The following NUMBL variants were observed in gnomAD, a reference collection of about 807,000 sequenced individuals.
The protein encoded by NUMBL is numb-like protein.
Under a neutral mutation model 48.9 loss-of-function variants are expected in NUMBL, and 20 were observed. The ratio of observed to expected loss-of-function variants is 0.41; its 90% confidence interval spans 0.29 to 0.59. The LOEUF (loss-of-function observed/expected upper bound fraction) is 0.59, where lower values mean the gene tolerates loss of function less well. Ranked by LOEUF, NUMBL falls within the 20% of genes least tolerant of loss-of-function variation. NUMBL has a pLI of 0.31. For synonymous variants in NUMBL, 340 were observed against 348.7 expected, an observed-to-expected ratio of 0.98 and a Z score of 0.28; for missense variants, 660 against 846.2, an observed-to-expected ratio of 0.78 and a Z score of 2.73.
At position 40,680,920 on chromosome 19, in the gene NUMBL, G is replaced by A; in HGVS notation, c.537C>T (p.Asp179=). 1 of 1,614,188 alleles carries A rather than the reference G, an allele frequency of 6.2e-7. No individual in the cohort carries two copies. Among genetic ancestry groups the A allele is most frequent in the South Asian group, 1.1e-5 (1 of 91,084 alleles). ...GGCCAGCTGTGGCAATACTCACGGA[G>A]TCCTTCAGTGCCAGAAAACAGTGGC... The part of the protein sequence containing the change: ...WICHCFLALK[D]SGERLSHAVG... Residue 179 remains aspartate (D), a synonymous_variant, in exon 6 of 10, where the codon GAC becomes GAT. Transcript: ENST00000252891.
At chr19:40,672,471 C>T (rs1263569823) in intron 8 of NUMBL, among the ~76,000 whole-genome samples, 1 of 152,230 alleles carries the variant, frequency 6.6e-6, no homozygotes, top group Non-Finnish European at 1.5e-5. Flanking sequence ...GTGATGGGTA[C>T]TGCCTCTGCT....
chr19:40,677,491 T>C, intron 6 of NUMBL, 70 bp from the exon 7 acceptor site: 4 of 1,428,420 alleles, frequency 2.8e-6, no homozygotes, highest in Non-Finnish European at 1.9e-6. Context: ...GGGCACTGGG[T>C]TATAGCCGCT....
rs1303880241 is a variant in NUMBL at position 40,684,517 on chromosome 19, C to T, written c.149G>A (p.Arg50Gln). Reference protein sequence around the residue: ...GTMNKLRQSLRRRKPAYVPEA... With the variant: ...GTMNKLRQSLQRRKPAYVPEA... ...GGGCACGTAGGCTGGCTTCCTCCGC[C>T]GCAGGCTCTGCCGTAACTTGTTCAT... is the stretch of plus-strand genomic sequence containing the variant. Residue 50 changes from arginine to glutamine, a missense_variant, in exon 3 of 10, where the codon CGG (arginine) becomes CAG (glutamine). Arg to Gln is a conservative substitution (Grantham distance 43). Transcript: ENST00000252891. 4 of 1,607,426 alleles carry T rather than the reference C, an allele frequency of 2.5e-6. No individual in the cohort carries two copies. Among genetic ancestry groups the T allele is most frequent in the Admixed American group, 1.7e-5 (1 of 59,262 alleles).
At position 40,682,823 on chromosome 19, in the gene NUMBL, A is replaced by C. The variant is rs769342687; in HGVS notation, c.325-21T>G. On this transcript the variant is annotated intron_variant, in intron 4 of 9. Coordinates refer to ENST00000252891, the MANE Select transcript of NUMBL (RefSeq NM_004756.5). This position sits in a 1 kb window ranked among gnomAD's most constrained non-coding sequence, Gnocchi z 4.0. ...CCCATCTGGAGGGAGGCAAGGGGAC[A>C]AAGGAGCCGGGTCAGGGTGCCTCTC... 6.2e-7 allele frequency: 1 copy of C among 1,614,120 alleles called. No individual in the cohort carries two copies. Among genetic ancestry groups the C allele is most frequent in the Non-Finnish European group, 8.5e-7 (1 of 1,180,002 alleles).
intron 6 of NUMBL, among the ~76,000 whole-genome samples, chr19:40,679,539 G>A (rs2081894440): frequency 6.6e-6 from 1 of 152,114 alleles, no homozygotes; most frequent in South Asian, 2.1e-4. Flanking sequence ...TTAGCCAGCT[G>A]TGATGGTGCA....
chr19:40,680,024 G>A (rs1328902480), intron 6 of NUMBL, among the ~76,000 whole-genome samples: 1 of 151,780 alleles, frequency 6.6e-6, no homozygotes, highest in Non-Finnish European at 1.5e-5. Context: ...CTGCTTAATG[G>A]TTAAAACTTC....
chr19:40,690,441 C>T lies in NUMBL; in HGVS notation c.24+19G>A. The T allele has an allele frequency of 7.9e-7, 1 of 1,264,292 alleles. No homozygotes were observed. Among genetic ancestry groups the T allele is most frequent in the Non-Finnish European group, 1.0e-6 (1 of 997,096 alleles). The allele number at this position is 1,264,292 out of a possible 1,614,324, so 78.3% of individuals were successfully genotyped here. A position where few individuals can be genotyped will look rare whatever the true frequency, so the allele number is the denominator to read the frequency against. The stretch of plus-strand genomic sequence containing the variant: ...CGGCGCCGCCCCCGACCCGAGCCCC[C>T]CTCTCCCGCCCTTCTCACGCTGGCC... On this transcript the variant is annotated intron_variant, in intron 1 of 9. Coordinates refer to ENST00000252891, the MANE Select transcript of NUMBL (RefSeq NM_004756.5).
At chr19:40,675,071 A>G (rs1184646292) in intron 7 of NUMBL, among the ~76,000 whole-genome samples, 1 of 133,814 alleles carries the variant, frequency 7.5e-6, no homozygotes, top group Non-Finnish European at 1.5e-5. Context: ...TGAACCCGGG[A>G]GGCAGAGGTT....
intron 7 of NUMBL, among the ~76,000 whole-genome samples, chr19:40,676,630 T>G (rs1352100280): frequency 2.1e-5 from 3 of 146,236 alleles, no homozygotes; most frequent in Non-Finnish European, 4.5e-5. Flanking sequence ...AGGTGGAGGT[T>G]GCAGTGAGCC....
At position 40,676,830 on chromosome 19, in the gene NUMBL, T is replaced by A. The variant is rs1014527661; in HGVS notation, c.730+402A>T. On this transcript the variant is annotated intron_variant, in intron 7 of 9. Coordinates refer to ENST00000252891, the MANE Select transcript of NUMBL (RefSeq NM_004756.5). ...AGTTGCTTTATTTATTTATTTATTTTTTGAGACAGAGTCTCACTCTATTGC... is the reference window on the plus strand; with the variant it reads ...AGTTGCTTTATTTATTTATTTATTTATTGAGACAGAGTCTCACTCTATTGC... 2.6e-5 allele frequency among the ~76,000 whole-genome samples: 4 copies of A among 152,242 alleles called. No individual in the cohort carries two copies. In the South Asian group the frequency reaches 8.3e-4, roughly 32 times the overall value.
chr19:40,684,318 C>A, intron 3 of NUMBL, 99 bp downstream of exon 3: 1 of 1,349,328 alleles, frequency 7.4e-7, no homozygotes, highest in African/African-American at 1.5e-5. Flanking sequence ...CAACTTCAAA[C>A]GACTTGGGCT....
Position 40,667,336 on chromosome 19 carries a change from T to G in NUMBL, c.*132A>C. ...GTTGGTTCTGTAGTGGTTGTCGGGG[T>G]GGTTGAGGGAGGGGGGTGTTGAGAG... On this transcript the variant is annotated 3_prime_UTR_variant, in exon 10 of 10. Coordinates refer to ENST00000252891, the MANE Select transcript of NUMBL (RefSeq NM_004756.5). This position sits in a 1 kb window ranked among gnomAD's most constrained non-coding sequence, Gnocchi z 6.1. The G allele has an allele frequency of 1.6e-6, 2 of 1,255,924 alleles. No individual in the cohort carries two copies. The highest frequency in any genetic ancestry group is 2.2e-6 in the Non-Finnish European group (2 of 928,920). The allele number at this position is 1,255,924 out of a possible 1,614,324, so 77.8% of individuals were successfully genotyped here. A position where few individuals can be genotyped will look rare whatever the true frequency, so the allele number is the denominator to read the frequency against.
chr19:40,666,598 C>G lies in NUMBL; in HGVS notation c.*870G>C, dbSNP rs114136998. 1,284 of 152,696 alleles carry G rather than the reference C, an allele frequency of 8.4e-3. 23 individuals carry two copies. Among genetic ancestry groups the G allele is most frequent in the African/African-American group, 0.029 (1,188 of 41,532 alleles). The allele number at this position is 152,696 out of a possible 1,614,324, so 9.5% of individuals were successfully genotyped here. On this transcript the variant is annotated 3_prime_UTR_variant, in exon 10 of 10. Transcript: ENST00000252891. ...CTCAGAGGTTATCACTCAGGGACAT[C>G]CTTCTGACTCTGTTTCAGTCCATGA...
intron 1 of NUMBL, chr19:40,690,220 G>A: frequency 2.8e-6 from 1 of 361,878 alleles, no homozygotes. Flanking sequence ...TTTGTGGGGG[G>A]TCTGTGTCCA....
intron 3 of NUMBL, chr19:40,683,957 G>T (rs8112554): frequency 0.26 from 42,273 of 160,282 alleles, 5,863 homozygotes; most frequent in African/African-American, 0.29. Flanking sequence ...TAGAGACAGG[G>T]TCTCCCTGTG....
chr19:40,673,615 G>A lies in NUMBL; in HGVS notation c.765C>T (p.Gly255=). 6.6e-7 allele frequency: 1 copy of A among 1,511,044 alleles called. No individual in the cohort carries two copies. Among genetic ancestry groups the A allele is most frequent in the Non-Finnish European group, 8.9e-7 (1 of 1,124,806 alleles). 93.6% of individuals were successfully genotyped at this position (1,511,044 alleles called of 1,614,324 possible). The part of the protein sequence containing the change: ...EAAAAPTVAP[G]PAQPGHVSPT... ...GGGACACGTGCCCAGGCTGGGCAGG[G>A]CCAGGAGCCACAGTGGGGGCAGCTG... is the stretch of plus-strand genomic sequence containing the variant. The change falls in exon 8 of 10, where the codon GGC becomes GGT. Residue 255 remains glycine (G), a synonymous_variant. Transcript: ENST00000252891. The surrounding 1 kb of genome is among the most constrained non-coding windows in gnomAD (Gnocchi z 5.9).
At chr19:40,677,498 C>T (rs751658955) in intron 6 of NUMBL, 77 bp from the exon 7 acceptor site, 142 of 1,380,842 alleles carry the variant, frequency 1.0e-4, no homozygotes, top group Non-Finnish European at 1.3e-4. Context: ...GGGTTATAGC[C>T]GCTAGGTACT....
At chr19:40,671,304 T>C (rs1402046532) in intron 8 of NUMBL, among the ~76,000 whole-genome samples, 2 of 152,114 alleles carry the variant, frequency 1.3e-5, no homozygotes, top group Non-Finnish European at 2.9e-5. Context: ...CTCTGTGATT[T>C]TGGAGTGTGT....
chr19:40,677,455 C>T (rs746872851), intron 6 of NUMBL, 34 bp from the exon 7 acceptor site: 46 of 1,588,100 alleles, frequency 2.9e-5, no homozygotes, highest in South Asian at 5.6e-5. Context: ...GGGTTAGAGG[C>T]GCTGGGCAGT....
Sources: gnomAD v4.1 joint callset for allele counts (sites outside exome capture counted in the v4.1 genomes callset) on GRCh38, gnomAD v4.1.1 for gene constraint, Gnocchi (gnomAD v3.1) non-coding constraint, MANE v1.5 for transcripts, NCBI Gene and HGNC (gene_info 2026-07-23, HGNC 2026-07-21) for gene names.